CCDC125: variants seen among roughly 807,000 people sequenced by gnomAD.
CCDC125 encodes the protein coiled-coil domain-containing protein 125.
A neutral mutation model predicts 57.4 loss-of-function variants in CCDC125; 43 were observed. The observed-to-expected ratio is 0.75, with a 90% confidence interval of 0.59 to 0.97. The LOEUF is 0.97. Among genes scored for constraint, CCDC125 ranks in the 50% least tolerant of loss-of-function variants. CCDC125 has a pLI of 0.00. For synonymous variants in CCDC125, 187 were observed against 195.2 expected (o/e 0.96, Z 0.35); for missense variants, 563 against 595.7 (o/e 0.95, Z 0.57).
Position 69,320,325 on chromosome 5 carries a change from CGCTTCATTTCTT to C in CCDC125, c.204_215del (p.Arg69_Ala72del). ...TCTTATGCTTGGAATACTGAAAACT[CGCTTCATTTCTT>C]TCTTCTCCCTTTCTCGGAAATGGAG... On this transcript the variant is annotated inframe_deletion, in exon 2 of 12. Transcript: ENST00000396496. 1 of 1,613,980 alleles carries C rather than the reference CGCTTCATTTCTT, an allele frequency of 6.2e-7. No homozygotes were observed. Among genetic ancestry groups the C allele is most frequent in the Non-Finnish European group, 8.5e-7 (1 of 1,179,964 alleles).
chr5:69,286,086 T>C (rs533107069), intron 10 of CCDC125, among the ~76,000 whole-genome samples: 1 of 151,042 alleles, frequency 6.6e-6, no homozygotes, highest in Admixed American at 6.7e-5. Context: ...GGACAGGGTC[T>C]CTGTAAAGAA....
downstream of CCDC125, among the ~76,000 whole-genome samples, chr5:69,278,703 C>CTTTTTTTT (rs34258569): frequency 1.8e-5 from 2 of 108,128 alleles, no homozygotes; most frequent in African/African-American, 3.6e-5. Flanking sequence ...TCTCTCTCTC[C>CTTTTTTTT]TTTTTTTTTT....
rs1561176931 is a variant in CCDC125, at chr5:69,320,256, G to A, written c.285C>T (p.Tyr95=). The A allele has an allele frequency of 2.2e-5, 36 of 1,613,650 alleles. No homozygotes were observed. Among genetic ancestry groups the A allele is most frequent in the Non-Finnish European group, 3.1e-5 (36 of 1,179,822 alleles). Reference sequence around the variant, plus strand: ...TCTTACCAGTGCTACTTTGTCGTCTGTAATTGGAAATTCTGGACACTTGAG... The same window carrying A: ...TCTTACCAGTGCTACTTTGTCGTCTATAATTGGAAATTCTGGACACTTGAG... ...TFPQVSRISN[Y]RRQSSTVDSN... The change falls in exon 2 of 12, where the codon TAC becomes TAT. Residue 95 remains tyrosine (Y), a synonymous_variant. Coordinates refer to ENST00000396496, the MANE Select transcript of CCDC125 (RefSeq NM_176816.5).
rs200391400 is a variant in CCDC125 at position 69,282,862 on chromosome 5, C to T, written c.1403G>A (p.Gly468Asp). 31 of 1,614,010 alleles carry T rather than the reference C, an allele frequency of 1.9e-5. 1 individual carries two copies. The Admixed American group carries it at 3.2e-4, about 16-fold the overall frequency. Residue 468 changes from glycine to aspartate, a missense_variant, in exon 12 of 12, where the codon GGT becomes GAT. By Grantham distance (94) the Gly-to-Asp change is moderately conservative. Coordinates refer to ENST00000396496, the MANE Select transcript of CCDC125 (RefSeq NM_176816.5). ...WRKTSEFSVL[G>D]DPIHSSVCIL... ...GCAGACACTTGAATGTATAGGATCA[C>T]CCAAAACAGAGAATTCTGAAGTCTT...
At chr5:69,285,550 T>C in intron 10 of CCDC125, 83 bp from the exon 11 acceptor site, 2 of 1,359,524 alleles carry the variant, frequency 1.5e-6, no homozygotes, top group Non-Finnish European at 2.0e-6. Context: ...ACTTGATCTC[T>C]AGGACAAGTG....
At chr5:69,284,243 C>T (rs950562186) in intron 11 of CCDC125, among the ~76,000 whole-genome samples, 5 of 151,850 alleles carry the variant, frequency 3.3e-5, no homozygotes, top group African/African-American at 4.8e-5. Context: ...AATATATCAA[C>T]GTGCATATTT....
rs1024496699 is a variant in CCDC125, at chr5:69,300,986, G to A, written c.701-859C>T. On this transcript the variant is annotated intron_variant, in intron 7 of 11. Transcript: ENST00000396496. Reference sequence around the variant, plus strand: ...AGCTCACTGCAACTTCAAACTCCTGGGCTCCAGGGATCCTCTCACCTTAAC... The same window carrying A: ...AGCTCACTGCAACTTCAAACTCCTGAGCTCCAGGGATCCTCTCACCTTAAC... Among the ~76,000 whole-genome samples the A allele has an allele frequency of 8.8e-5, 13 of 148,130 alleles. No individual in the cohort carries two copies. In the Admixed American group the frequency reaches 8.8e-4, roughly 10 times the overall value.
Position 69,294,840 on chromosome 5 carries a change from T to A in CCDC125, c.877A>T (p.Arg293Ter). 1 of 1,614,218 alleles carries A rather than the reference T, an allele frequency of 6.2e-7. No homozygotes were observed. Among genetic ancestry groups the A allele is most frequent in the Non-Finnish European group, 8.5e-7 (1 of 1,180,036 alleles). The change falls in exon 9 of 12, where the codon AGA (arginine) becomes TGA (stop). Residue 293 changes from arginine to a stop codon, truncating the protein, a stop_gained. Transcript: ENST00000396496. LOFTEE classifies it high-confidence loss of function. ...GPGGNPCSCA[R>*]MAASTRKLLL... is the part of the protein sequence containing the mutation. ...AGTTTCCGAGTGGATGCTGCCATTC[T>A]GGCACAAGAACAGGGGTTCCCTCCG... is the stretch of plus-strand genomic sequence containing the variant.
chr5:69,275,077 AAAGAC>A, the CCDC125 span, among the ~76,000 whole-genome samples: 1 of 152,020 alleles, frequency 6.6e-6, no homozygotes, highest in South Asian at 2.1e-4. Flanking sequence ...AAAAAAAAAA[AAAGAC>A]AAGCATGACC....
intron 1 of CCDC125, among the ~76,000 whole-genome samples, chr5:69,331,249 C>T (rs1761378510): frequency 6.6e-6 from 1 of 151,786 alleles, no homozygotes; most frequent in African/African-American, 2.4e-5. Context: ...TTCCAGTGAG[C>T]TGAGACAGCA....
At chr5:69,292,997 C>T (rs750412277) in intron 9 of CCDC125, among the ~76,000 whole-genome samples, 3 of 151,702 alleles carry the variant, frequency 2.0e-5, no homozygotes, top group African/African-American at 7.3e-5. Flanking sequence ...CATGTTGCCA[C>T]GCCTGGCTAA....
chr5:69,320,686 T>C (rs112358070), intron 1 of CCDC125, 106 bp from the exon 2 acceptor site: 1 of 618,920 alleles, frequency 1.6e-6, no homozygotes, highest in Middle Eastern at 3.0e-4. Flanking sequence ...AAGAGATGTC[T>C]ACATTCCCAT....
rs150194172 is a variant in CCDC125, at chr5:69,314,983, C to T, written c.305-937G>A. 3.3e-5 allele frequency among the ~76,000 whole-genome samples: 5 copies of T among 152,276 alleles called. No homozygotes were observed. In the East Asian group the frequency reaches 7.7e-4, roughly 24 times the overall value. ...TGTAAGAAATAACTTTGGCCAGGCA[C>T]AGTGGCTCACACCTGTAATCCCAGC... On this transcript the variant is annotated intron_variant, in intron 2 of 11. Transcript: ENST00000396496.
At chr5:69,301,660 G>A (rs898686672) in intron 7 of CCDC125, among the ~76,000 whole-genome samples, 3 of 151,656 alleles carry the variant, frequency 2.0e-5, no homozygotes, top group African/African-American at 7.3e-5. Flanking sequence ...CCTTGAACTC[G>A]GGAGGAGGAG....
intron 10 of CCDC125, among the ~76,000 whole-genome samples, chr5:69,287,008 A>C (rs1229643998): frequency 1.3e-5 from 2 of 151,616 alleles, no homozygotes; most frequent in East Asian, 1.9e-4. Flanking sequence ...AAAAAAAAAA[A>C]AAAAACCCAA....
intron 8 of CCDC125, among the ~76,000 whole-genome samples, chr5:69,295,732 C>T (rs191971095): frequency 6.6e-6 from 1 of 152,264 alleles, no homozygotes; most frequent in African/African-American, 2.4e-5. Context: ...CAAAAGAAAA[C>T]GATCACCTCA....
chr5:69,310,533 A>C (rs551061282), intron 4 of CCDC125: 127 of 158,172 alleles, frequency 8.0e-4, no homozygotes, highest in Non-Finnish European at 1.5e-3. Flanking sequence ...TTTTTCCCCC[A>C]GTCTTGGGTA....
intron 9 of CCDC125, 52 bp downstream of exon 9, chr5:69,294,741 C>G: frequency 1.6e-6 from 2 of 1,289,194 alleles, no homozygotes; most frequent in Non-Finnish European, 2.2e-6. Flanking sequence ...ATTTATTCTA[C>G]TATTAACAGA....
At chr5:69,318,266 C>T (rs886458032) in intron 2 of CCDC125, among the ~76,000 whole-genome samples, 1 of 151,538 alleles carries the variant, frequency 6.6e-6, no homozygotes, top group African/African-American at 2.4e-5. Flanking sequence ...AGGCGTGAGC[C>T]ACAGCACCTG....
Sources: gnomAD v4.1 joint callset for allele counts (sites outside exome capture counted in the v4.1 genomes callset) on GRCh38, gnomAD v4.1.1 for gene constraint, MANE v1.5 for transcripts, NCBI Gene and HGNC (gene_info 2026-07-23, HGNC 2026-07-21) for gene names.